The following MCHR2 variants were observed in gnomAD, a reference collection of about 807,000 sequenced individuals.
MCHR2 encodes the protein melanin-concentrating hormone receptor 2.
In MCHR2, 15 loss-of-function variants were observed where a neutral mutation model predicts 24.8. The observed-to-expected ratio is 0.60, with a 90% CI of 0.40 to 0.93. The LOEUF is 0.93. Ranked by LOEUF, MCHR2 falls within the 40% of genes least tolerant of loss-of-function variation. The pLI is 0.00. For missense variants in MCHR2, 386 were observed against 408.7 expected (o/e 0.94, Z 0.48); for synonymous variants, 151 against 147.6 (o/e 1.02, Z -0.17).
intron 4 of MCHR2, 96 bp downstream of exon 4, chr6:99,942,853 T>A (rs1774798632): frequency 1.0e-6 from 1 of 1,000,514 alleles, no homozygotes; most frequent in African/African-American, 1.6e-5. Flanking sequence ...AGAGGATCCA[T>A]AAGGATACTC....
chr6:99,990,355 T>C (rs1192778581), intron 1 of MCHR2, among the ~76,000 whole-genome samples: 1 of 152,202 alleles, frequency 6.6e-6, no homozygotes, highest in East Asian at 1.9e-4. Flanking sequence ...CTCTTAATGT[T>C]AGAGTCATAG....
intron 2 of MCHR2, among the ~76,000 whole-genome samples, chr6:99,954,195 C>A (rs1026185865): frequency 6.6e-6 from 1 of 152,072 alleles, no homozygotes; most frequent in Non-Finnish European, 1.5e-5. Flanking sequence ...AGTTCGATTG[C>A]CAGGATCGCT....
At chr6:99,949,459 T>C (rs1241618230) in intron 2 of MCHR2, among the ~76,000 whole-genome samples, 1 of 152,188 alleles carries the variant, frequency 6.6e-6, no homozygotes, top group African/African-American at 2.4e-5. Flanking sequence ...GCTAGTTTTT[T>C]CCTATTTCAG....
chr6:99,962,107 T>G (rs1477871037), intron 1 of MCHR2, among the ~76,000 whole-genome samples: 2 of 152,166 alleles, frequency 1.3e-5, no homozygotes, highest in Non-Finnish European at 2.9e-5. Context: ...ATTGCCAGCA[T>G]TACTAGTCTT....
chr6:99,943,319 T>A lies in MCHR2; in HGVS notation c.393-176A>T, dbSNP rs191040499. Reference sequence around the variant, plus strand: ...ATATTTTAATTTTTATTTATTTTTTTAAATTTTTATTTATTTATTTTTATT... The same window carrying A: ...ATATTTTAATTTTTATTTATTTTTTAAAATTTTTATTTATTTATTTTTATT... On this transcript the variant is annotated intron_variant, in intron 3 of 5. Coordinates refer to ENST00000281806, the MANE Select transcript of MCHR2 (RefSeq NM_001040179.2). Among the ~76,000 whole-genome samples, 908 of 150,482 alleles carry A rather than the reference T, an allele frequency of 6.0e-3. 9 individuals are homozygous for A. Among genetic ancestry groups the A allele is most frequent in the African/African-American group, 0.021 (863 of 41,300 alleles).
intron 2 of MCHR2, among the ~76,000 whole-genome samples, chr6:99,955,498 G>T (rs184177381): frequency 6.6e-6 from 1 of 152,214 alleles, no homozygotes; most frequent in East Asian, 1.9e-4. Context: ...TTGCCCAAGT[G>T]AGTAAAAGAA....
chr6:99,982,467 G>GAAAA (rs1196029682), intron 1 of MCHR2, among the ~76,000 whole-genome samples: 870 of 46,624 alleles, frequency 0.019, 162 homozygotes, highest in Middle Eastern at 0.038. Flanking sequence ...TGTCTGTACA[G>GAAAA]AAAAAAAAAA....
At chr6:99,957,218 A>G (rs548561987) in intron 1 of MCHR2, among the ~76,000 whole-genome samples, 1 of 152,254 alleles carries the variant, frequency 6.6e-6, no homozygotes, top group East Asian at 1.9e-4. Context: ...GGAATCTTAC[A>G]GGAGATACCC....
chr6:99,924,998 A>G (rs992153208), intron 5 of MCHR2, among the ~76,000 whole-genome samples: 2 of 152,106 alleles, frequency 1.3e-5, no homozygotes, highest in Admixed American at 6.5e-5. Flanking sequence ...AAAGTAAGTT[A>G]TTGAAGTTTC....
rs780178364 is a variant in MCHR2 at position 99,947,857 on chromosome 6, C to A, written c.297G>T (p.Trp99Cys). ...TGGTGCAGAGAGGCCCCCCAAACAC[C>A]CACTCTCCCCCTCGGGCCCATTGGT... Reference protein sequence around the residue: ...LIHQWARGGEWVFGGPLCTII... With the variant: ...LIHQWARGGECVFGGPLCTII... Residue 99 changes from tryptophan to cysteine, a missense_variant, in exon 3 of 6, where the codon TGG (tryptophan) becomes TGT (cysteine). Physicochemically the swap from Trp to Cys is radical, Grantham distance 215. Transcript: ENST00000281806. 5.6e-6 allele frequency: 9 copies of A among 1,613,694 alleles called. No homozygotes were observed. Among genetic ancestry groups the A allele is most frequent in the Non-Finnish European group, 6.8e-6 (8 of 1,179,774 alleles).
chr6:99,931,854 C>T (rs555345864), intron 5 of MCHR2, among the ~76,000 whole-genome samples: 1 of 152,188 alleles, frequency 6.6e-6, no homozygotes, highest in Non-Finnish European at 1.5e-5. Context: ...CTGTCCTGCA[C>T]CCACTGTCTG....
intron 1 of MCHR2, among the ~76,000 whole-genome samples, chr6:99,959,280 T>A (rs759960395): frequency 6.6e-6 from 1 of 151,848 alleles, no homozygotes; most frequent in Non-Finnish European, 1.5e-5. Flanking sequence ...AATTGGTAAA[T>A]CTCTCTAAGT....
intron 1 of MCHR2, among the ~76,000 whole-genome samples, chr6:99,974,506 T>C (rs1775506130): frequency 6.6e-6 from 1 of 152,206 alleles, no homozygotes; most frequent in African/African-American, 2.4e-5. Flanking sequence ...TTGGTTTGAA[T>C]TTCCTCCTGT....
At chr6:99,980,695 CT>C (rs2114586342) in intron 1 of MCHR2, among the ~76,000 whole-genome samples, 1 of 152,252 alleles carries the variant, frequency 6.6e-6, no homozygotes, top group East Asian at 1.9e-4. Flanking sequence ...AAAAAATACC[CT>C]CTATATTGGG....
intron 5 of MCHR2, among the ~76,000 whole-genome samples, chr6:99,930,276 T>C (rs1375007178): frequency 6.6e-6 from 1 of 152,144 alleles, no homozygotes; most frequent in Non-Finnish European, 1.5e-5. Context: ...TTAACATTTT[T>C]TCCTTCATTT....
intron 1 of MCHR2, among the ~76,000 whole-genome samples, chr6:99,985,555 T>A (rs1775753609): frequency 6.6e-6 from 1 of 152,006 alleles, no homozygotes; most frequent in South Asian, 2.1e-4. Flanking sequence ...TTTGACAAAG[T>A]TGACAAAAAC....
chr6:99,989,435 AT>A (rs1320098336), intron 1 of MCHR2, among the ~76,000 whole-genome samples: 1 of 152,154 alleles, frequency 6.6e-6, no homozygotes, highest in Non-Finnish European at 1.5e-5. Flanking sequence ...TAAAATTACT[AT>A]TATCTTCATT....
intron 3 of MCHR2, among the ~76,000 whole-genome samples, chr6:99,943,648 C>T (rs1484380998): frequency 6.6e-6 from 1 of 152,000 alleles, no homozygotes; most frequent in East Asian, 1.9e-4. Context: ...ATCCATGTCC[C>T]TACAAAGGAC....
intron 1 of MCHR2, among the ~76,000 whole-genome samples, chr6:99,971,500 C>A (rs1252018018): frequency 6.6e-6 from 1 of 152,208 alleles, no homozygotes; most frequent in Non-Finnish European, 1.5e-5. Context: ...ATCACGACAT[C>A]TGCAAACAGG....
Sources: allele counts gnomAD v4.1 joint callset (sites outside exome capture counted in the v4.1 genomes callset), GRCh38; gene constraint gnomAD v4.1.1; transcripts MANE v1.5; gene names NCBI Gene and HGNC (gene_info 2026-07-23, HGNC 2026-07-21).